The following FCGR1A variants were observed in gnomAD, a reference collection of about 807,000 sequenced individuals.
FCGR1A encodes the protein high affinity immunoglobulin gamma Fc receptor I.
In FCGR1A, 13 loss-of-function variants were observed where a neutral mutation model predicts 35.0. The ratio of observed to expected loss-of-function variants is 0.37; its 90% CI spans 0.24 to 0.59. The LOEUF (loss-of-function observed/expected upper bound fraction) is 0.59. Ranked by LOEUF, FCGR1A falls within the 20% of genes least tolerant of loss-of-function variation. The pLI, the probability that FCGR1A is intolerant of heterozygous loss-of-function variation, is 0.71. For synonymous variants in FCGR1A, 91 were observed against 164.7 expected, an observed-to-expected ratio of 0.55 and a Z score of 3.43; for missense variants, 227 against 430.0, an observed-to-expected ratio of 0.53 and a Z score of 4.17.
chr1:149,792,723 G>C, downstream of FCGR1A: 2 of 1,283,820 alleles, frequency 1.6e-6, no homozygotes, highest in Non-Finnish European at 2.0e-6. Context: ...GCGCTTCTCC[G>C]CAGCTCCGCG....
intron 3 of FCGR1A, among the ~76,000 whole-genome samples, chr1:149,785,408 G>GTT (rs10670379): frequency 0.04 from 2,739 of 67,648 alleles, 681 homozygotes; most frequent in Non-Finnish European, 0.075. Context: ...GAGCTGTTTC[G>GTT]TTTTTTTTTT....
chr1:149,800,385 C>T, the FCGR1A span, among the ~76,000 whole-genome samples: 2 of 150,984 alleles, frequency 1.3e-5, no homozygotes, highest in African/African-American at 4.9e-5. Context: ...ACCTTCAGCC[C>T]CTCTCCCCTC....
At position 149,785,407 on chromosome 1, in the gene FCGR1A, CGT is replaced by C. The variant is rs1491240949; in HGVS notation, c.307+1151_307+1152del. 2.1e-4 allele frequency among the ~76,000 whole-genome samples: 16 copies of C among 74,546 alleles called. 1 individual carries two copies. The highest frequency in any genetic ancestry group is 5.0e-4 in the African/African-American group (11 of 21,914). 48.9% of individuals were successfully genotyped at this position (74,546 alleles called of 152,430 possible). A position where few individuals can be genotyped will look rare whatever the true frequency, so the allele number is the denominator to read the frequency against. On this transcript the variant is annotated intron_variant, in intron 3 of 5. Transcript: ENST00000369168. The stretch of plus-strand genomic sequence containing the variant: ...GTTAGGGAAGCTGACAGAGCTGTTT[CGT>C]TTTTTTTTTTTTTTTTTTTTTTTTT...
At chr1:149,792,555 G>A (rs1391242068), downstream of FCGR1A, 1 of 1,180,978 alleles carries the variant, frequency 8.5e-7, no homozygotes, top group Non-Finnish European at 1.1e-6. Context: ...GGTTTGATCC[G>A]TAAATGATGG....
chr1:149,798,475 G>A, the FCGR1A span, among the ~76,000 whole-genome samples: 1 of 151,954 alleles, frequency 6.6e-6, no homozygotes, highest in African/African-American at 2.4e-5. Context: ...ACTTATCACT[G>A]TGATTGTTGA....
the FCGR1A span, among the ~76,000 whole-genome samples, chr1:149,799,331 A>G: frequency 6.6e-6 from 1 of 152,064 alleles, no homozygotes; most frequent in Admixed American, 6.6e-5. Context: ...CTTCATAAGC[A>G]TTTTCCCTGA....
chr1:149,794,028 C>T (rs1256410442), downstream of FCGR1A: 1 of 685,640 alleles, frequency 1.5e-6, no homozygotes. Flanking sequence ...TGACAGCTGG[C>T]TGGGAGGGGG....
In FCGR1A at chr1:149,790,327, T is replaced by C; in HGVS notation, c.833T>C (p.Leu278Pro). Residue 278 changes from leucine to proline, a missense_variant, in exon 5 of 6, where the codon CTT (leucine) becomes CCT (proline). Leu to Pro is a moderately conservative substitution (Grantham distance 98). Coordinates refer to ENST00000369168, the MANE Select transcript of FCGR1A (RefSeq NM_000566.4). ...CTTAAGCGCAGCCCTGAGTTGGAGCTTCAAGTGCTTGGTGAGTGAGAATGA... is the reference window on the plus strand; with the variant it reads ...CTTAAGCGCAGCCCTGAGTTGGAGCCTCAAGTGCTTGGTGAGTGAGAATGA... ...NVLKRSPELE[L>P]QVLGLQLPTP... 1 of 1,587,834 alleles carries C rather than the reference T, an allele frequency of 6.3e-7. No homozygotes were observed.
downstream of FCGR1A, among the ~76,000 whole-genome samples, chr1:149,794,300 CAATA>C (rs1160304301): frequency 6.6e-6 from 1 of 151,600 alleles, no homozygotes; most frequent in Non-Finnish European, 1.5e-5. Context: ...TGGGTCAAAG[CAATA>C]AATATTCCAT....
downstream of FCGR1A, chr1:149,793,142 C>T (rs1477933251): frequency 7.9e-5 from 101 of 1,275,618 alleles, no homozygotes; most frequent in Non-Finnish European, 9.4e-5. Context: ...CGAGCCTCCG[C>T]GGAGAGGAGG....
chr1:149,797,407 A>G, the FCGR1A span, among the ~76,000 whole-genome samples: 1 of 151,976 alleles, frequency 6.6e-6, no homozygotes, highest in African/African-American at 2.4e-5. Context: ...TTCTATATCT[A>G]GTATTACTTA....
At chr1:149,790,664 T>TTC (rs57604922) in intron 5 of FCGR1A, among the ~76,000 whole-genome samples, 4 of 146,158 alleles carry the variant, frequency 2.7e-5, no homozygotes, top group African/African-American at 7.5e-5. Flanking sequence ...TGACCCCCCC[T>TTC]TCTCTCTCTC....
At position 149,785,408 on chromosome 1, in the gene FCGR1A, G is replaced by A. The variant is rs1509896; in HGVS notation, c.307+1151G>A. On this transcript the variant is annotated intron_variant, in intron 3 of 5. Transcript: ENST00000369168. ...TTAGGGAAGCTGACAGAGCTGTTTC[G>A]TTTTTTTTTTTTTTTTTTTTTTTTT... 1.0e-4 allele frequency among the ~76,000 whole-genome samples: 7 copies of A among 67,642 alleles called. No homozygotes were observed. The East Asian group carries it at 1.9e-3, about 18-fold the overall frequency. 44.4% of individuals were successfully genotyped at this position (67,642 alleles called of 152,430 possible). A position where few individuals can be genotyped will look rare whatever the true frequency, so the allele number is the denominator to read the frequency against.
the FCGR1A span, among the ~76,000 whole-genome samples, chr1:149,800,370 G>A: frequency 1.3e-5 from 2 of 151,480 alleles, no homozygotes; most frequent in Non-Finnish European, 2.9e-5. Flanking sequence ...TTGGTGATCG[G>A]CTTAACCTTC....
chr1:149,793,200 G>C (rs2091756763), downstream of FCGR1A: 2 of 1,277,422 alleles, frequency 1.6e-6, no homozygotes, highest in Admixed American at 2.3e-5. Flanking sequence ...CTCCCAGCAG[G>C]CGCCCCATTT....
chr1:149,792,812 G>A, downstream of FCGR1A: 2 of 1,279,362 alleles, frequency 1.6e-6, no homozygotes, highest in Non-Finnish European at 2.0e-6. Context: ...GGAGTCGGTG[G>A]GCAGCAACGG....
the FCGR1A span, among the ~76,000 whole-genome samples, chr1:149,799,697 T>C: frequency 2.6e-5 from 4 of 152,236 alleles, no homozygotes; most frequent in African/African-American, 9.7e-5. Context: ...TACATGAGTT[T>C]GGAACATCTG....
chr1:149,799,553 T>C, the FCGR1A span, among the ~76,000 whole-genome samples: 3 of 152,172 alleles, frequency 2.0e-5, no homozygotes, highest in African/African-American at 7.2e-5. Context: ...ACACTACACA[T>C]TGGCAAATCT....
chr1:149,790,664 T>TTCTC (rs57604922), intron 5 of FCGR1A, among the ~76,000 whole-genome samples: 1 of 146,274 alleles, frequency 6.8e-6, no homozygotes, highest in Non-Finnish European at 1.5e-5. Flanking sequence ...TGACCCCCCC[T>TTCTC]TCTCTCTCTC....
Sources: gnomAD v4.1 joint callset for allele counts (sites outside exome capture counted in the v4.1 genomes callset) on GRCh38, gnomAD v4.1.1 for gene constraint, MANE v1.5 for transcripts, NCBI Gene and HGNC (gene_info 2026-07-23, HGNC 2026-07-21) for gene names.